CP: variants seen among roughly 807,000 people sequenced by gnomAD.
CP encodes the protein caeruloplasmin.
In CP, 64 loss-of-function variants were observed where a neutral mutation model predicts 122.4. That is an observed-to-expected ratio of 0.52 (90% CI 0.43 to 0.64). The LOEUF (loss-of-function observed/expected upper bound fraction) is 0.64. CP is among the 30% of genes least tolerant of loss of function. The pLI is 0.00. For missense variants in CP, 1,167 were observed against 1,284.4 expected (o/e 0.91, Z 1.40); for synonymous variants, 440 against 436.4 (o/e 1.01, Z -0.10).
intron 13 of CP, among the ~76,000 whole-genome samples, chr3:149,182,692 T>C: frequency 6.6e-6 from 1 of 152,216 alleles, no homozygotes; most frequent in East Asian, 1.9e-4. Flanking sequence ...TGAAGGCAGC[T>C]TTGCCCCTGC....
chr3:149,165,896 A>C (rs1724366062), intron 5 of CP: 1 of 416,046 alleles, frequency 2.4e-6, no homozygotes, highest in Non-Finnish European at 4.8e-6. Context: ...TTGTCAGGAA[A>C]TTATTCACAT....
chr3:149,162,875 T>A, exon 6 of CP: 1 of 1,612,524 alleles, frequency 6.2e-7, no homozygotes, highest in Non-Finnish European at 8.5e-7. Context: ...CATCGGAGGA[T>A]CTGGTAAGAT....
chr3:149,209,229 C>T lies in CP; in HGVS notation c.763G>A (p.Glu255Lys), dbSNP rs1340182269. Residue 255 changes from glutamate to lysine, a missense_variant, in exon 4 of 19, where the codon GAG becomes AAG. Glu to Lys is a moderately conservative substitution (Grantham distance 56). Around this residue, in one of 2 missense-constraint regions of CP, gnomAD observed 642 missense variants for 627.3 expected, o/e 1.02. Coordinates refer to ENST00000264613, the MANE Select transcript of CP (RefSeq NM_000096.4). Reference sequence around the variant, plus strand: ...ATCTTACAATACATTCTGTTACTCTCCTGGAAGTCTTCGTTGTCTTTGTCA... The same window carrying T: ...ATCTTACAATACATTCTGTTACTCTTCTGGAAGTCTTCGTTGTCTTTGTCA... ...KVDKDNEDFQ[E>K]SNRMYSVNGY... 9 of 1,613,626 alleles carry T rather than the reference C, an allele frequency of 5.6e-6. No homozygotes were observed. In the African/African-American group the frequency reaches 6.7e-5, roughly 12 times the overall value.
chr3:149,185,051 A>G (rs189959285), intron 12 of CP, 188 bp downstream of exon 12: 2 of 619,732 alleles, frequency 3.2e-6, no homozygotes, highest in African/African-American at 1.8e-5. Context: ...TTTTCCCTTA[A>G]GGAAATTGAG....
intron 4 of CP, among the ~76,000 whole-genome samples, chr3:149,208,232 A>G (rs1727873016): frequency 6.6e-6 from 1 of 152,132 alleles, no homozygotes; most frequent in African/African-American, 2.4e-5. Context: ...CCCTCAGAAG[A>G]AACTTATGGT....
Position 149,202,222 on chromosome 3 carries a change from CA to C in CP, c.1227del (p.Phe409LeufsTer55), listed in dbSNP as rs1442529216. On this transcript the variant is annotated frameshift_variant, in exon 7 of 19. Transcript: ENST00000264613. LOFTEE classifies it high-confidence loss of function. The part of the protein sequence containing the change: ...TAPGSDSAVF[F>X]EQGTTRIGGS... Reference sequence around the variant, plus strand: ...CCTCCAATTCTTGTGGTACCTTGTTCAAAAAACACCGCTGAGTCACTGCAGG... The same window carrying C: ...CCTCCAATTCTTGTGGTACCTTGTTCAAAAACACCGCTGAGTCACTGCAGG... 2 of 1,613,950 alleles carry C rather than the reference CA, an allele frequency of 1.2e-6. No individual in the cohort carries two copies. The highest frequency in any genetic ancestry group is 1.1e-5 in the South Asian group (1 of 91,074).
chr3:149,202,216 C>A lies in CP; in HGVS notation c.1234G>T (p.Gly412Cys), dbSNP rs764020469. 6.2e-7 allele frequency: 1 copy of A among 1,614,110 alleles called. No homozygotes were observed. The highest frequency in any genetic ancestry group is 2.2e-5 in the East Asian group (1 of 44,874). ...GSDSAVFFEQ[G>C]TTRIGGSYKK... ...TAAGAGCCTCCAATTCTTGTGGTAC[C>A]TTGTTCAAAAAACACCGCTGAGTCA... Residue 412 changes from glycine to cysteine, a missense_variant, in exon 7 of 19, where the codon GGT becomes TGT. Around this residue, in one of 2 missense-constraint regions of CP, gnomAD observed 642 missense variants for 627.3 expected, o/e 1.02. Transcript: ENST00000264613.
rs750574317 is a variant in CP, at chr3:149,186,737, A to T, written c.1865-5T>A. On this transcript the variant is annotated splice_polypyrimidine_tract_variant and splice_region_variant and intron_variant, in intron 10 of 18. Transcript: ENST00000264613. ...CATACATGAATCCATTCATGGCTGT[A>T]AAAGTTGGGAAATAACATTTTGGAA... 3.1e-5 allele frequency: 50 copies of T among 1,613,118 alleles called. No individual in the cohort carries two copies. The highest frequency in any genetic ancestry group is 4.2e-5 in the Non-Finnish European group (50 of 1,179,516).
rs980025840 is a variant in CP, at chr3:149,207,566, T to C, written c.833A>G (p.Glu278Gly). Residue 278 changes from glutamate (E) to glycine (G), a missense_variant, in exon 5 of 19, where the codon GAA (glutamate) becomes GGA (glycine). Glu to Gly is a moderately conservative substitution (Grantham distance 98). Around this residue, in one of 2 missense-constraint regions of CP, gnomAD observed 642 missense variants for 627.3 expected, o/e 1.02. Coordinates refer to ENST00000264613, the MANE Select transcript of CP (RefSeq NM_000096.4). ...AAAAAGGTACCATTTTACTCTGTCT[T>C]CAGCACACATGGAGAGTCCTGGGAG... ...GSLPGLSMCA[E>G]DRVKWYLFGM... The C allele has an allele frequency of 6.2e-7, 1 of 1,613,984 alleles. No individual in the cohort carries two copies. Among genetic ancestry groups the C allele is most frequent in the Non-Finnish European group, 8.5e-7 (1 of 1,179,840 alleles).
chr3:149,184,019 CACTT>C lies in CP; in HGVS notation c.2286-418_2286-415del, dbSNP rs138469091. ...CATCTTTTCCCAGGCATTCCCTTTT[CACTT>C]ACTTCTTTTTTTTTTTTTTTTTTTT... On this transcript the variant is annotated intron_variant, in intron 12 of 18. Coordinates refer to ENST00000264613, the MANE Select transcript of CP (RefSeq NM_000096.4). 3.0e-3 allele frequency among the ~76,000 whole-genome samples: 300 copies of C among 101,078 alleles called. 10 individuals are homozygous for C. Among genetic ancestry groups the C allele is most frequent in the South Asian group, 8.1e-3 (22 of 2,732 alleles). 66.3% of individuals were successfully genotyped at this position (101,078 alleles called of 152,430 possible).
intron 18 of CP, 31 bp downstream of exon 18, chr3:149,176,219 T>C (rs542488760): frequency 6.2e-7 from 1 of 1,602,028 alleles, no homozygotes; most frequent in African/African-American, 1.3e-5. Flanking sequence ...CTTTTATATA[T>C]GGCTTCTAGA....
chr3:149,169,233 AGAACTTTAG>A (rs1724741947), downstream of CP, among the ~76,000 whole-genome samples: 1 of 152,210 alleles, frequency 6.6e-6, no homozygotes, highest in Non-Finnish European at 1.5e-5. Flanking sequence ...AGACAGCTGA[AGAACTTTAG>A]GTTCGTTTCA....
intron 4 of CP, 146 bp from the exon 5 acceptor site, chr3:149,207,763 T>G: frequency 3.7e-6 from 3 of 811,348 alleles, no homozygotes; most frequent in African/African-American, 1.7e-5. Flanking sequence ...ATGTCAGACA[T>G]TGCTAATCAA....
intron 1 of CP, among the ~76,000 whole-genome samples, chr3:149,220,256 C>A (rs1455536592): frequency 6.6e-6 from 1 of 152,086 alleles, no homozygotes; most frequent in Non-Finnish European, 1.5e-5. Context: ...CCTGATAAAG[C>A]TGATTTGATT....
intron 1 of CP, among the ~76,000 whole-genome samples, chr3:149,216,476 C>T (rs977449262): frequency 6.6e-6 from 1 of 152,202 alleles, no homozygotes; most frequent in Non-Finnish European, 1.5e-5. Flanking sequence ...AGTGTGTGGA[C>T]TCTTCAGATA....
intron 9 of CP, among the ~76,000 whole-genome samples, chr3:149,189,167 T>A (rs779943164): frequency 6.6e-6 from 1 of 152,268 alleles, no homozygotes. Context: ...ACTAGAGGAT[T>A]CAGATTCAAA....
chr3:149,206,449 G>T (rs920798691), intron 5 of CP, 110 bp from the exon 6 acceptor site: 9 of 1,226,706 alleles, frequency 7.3e-6, no homozygotes, highest in Non-Finnish European at 1.1e-5. Context: ...GGAATAGACA[G>T]ATAGCAACAG....
chr3:149,172,346 A>T, downstream of CP: 3 of 703,934 alleles, frequency 4.3e-6, no homozygotes, highest in Non-Finnish European at 7.4e-6. Context: ...ACACACACAC[A>T]CACACACACA....
At position 149,198,398 on chromosome 3, in the gene CP, T is replaced by C. The variant is rs1428887668; in HGVS notation, c.1682A>G (p.Lys561Arg). Residue 561 changes from lysine (K) to arginine (R), a missense_variant, in exon 9 of 19, where the codon AAG becomes AGG. Lys to Arg is a conservative substitution (Grantham distance 26, BLOSUM62 2). Transcript: ENST00000264613. ...TGLIGPMKIC[K>R]KGSLHANGRQ... The stretch of plus-strand genomic sequence containing the variant: ...CCCATTTGCATGTAAACTTCCTTTC[T>C]TGCATATTTTCATTGGCCCAATAAG... The C allele has an allele frequency of 3.7e-6, 6 of 1,613,894 alleles. No homozygotes were observed. Among genetic ancestry groups the C allele is most frequent in the Non-Finnish European group, 5.1e-6 (6 of 1,179,840 alleles).
Sources: allele counts gnomAD v4.1 joint callset (sites outside exome capture counted in the v4.1 genomes callset), GRCh38; gene constraint gnomAD v4.1.1; regional missense constraint gnomAD v4.1.1; transcripts MANE v1.5; gene names NCBI Gene and HGNC (gene_info 2026-07-23, HGNC 2026-07-21).